NADSYN1: variants seen among roughly 807,000 people sequenced by gnomAD.
NADSYN1 encodes glutamine-dependent NAD(+) synthetase.
In NADSYN1, 80 loss-of-function variants were observed where a neutral mutation model predicts 99.3. The observed-to-expected ratio is 0.81, with a 90% CI of 0.67 to 0.97. The LOEUF (loss-of-function observed/expected upper bound fraction) is 0.97, where lower values mean the gene tolerates loss of function less well. Among genes scored for constraint, NADSYN1 ranks in the 50% least tolerant of loss-of-function variants. The probability of loss-of-function intolerance (pLI) is 0.00; values close to 1 mark genes in which losing one functional copy is unlikely to be tolerated. For synonymous variants in NADSYN1, 385 were observed against 372.1 expected, an observed-to-expected ratio of 1.03 and a Z score of -0.40; for missense variants, 859 against 948.5, an observed-to-expected ratio of 0.91 and a Z score of 1.24.
At chr11:71,492,641 G>A (rs140389358) in intron 18 of NADSYN1, among the ~76,000 whole-genome samples, 8 of 152,168 alleles carry the variant, frequency 5.3e-5, no homozygotes, top group Admixed American at 3.3e-4. Flanking sequence ...CCGGTCCCAC[G>A]CTGTCCTGAT....
chr11:71,469,730 C>T (rs888916882), intron 5 of NADSYN1, among the ~76,000 whole-genome samples: 6 of 152,108 alleles, frequency 3.9e-5, no homozygotes, highest in African/African-American at 1.4e-4. Flanking sequence ...CAACCTTCAG[C>T]ATGGGCGTCA....
At chr11:71,500,878 A>G (rs1204076673) in intron 20 of NADSYN1, among the ~76,000 whole-genome samples, 1 of 152,142 alleles carries the variant, frequency 6.6e-6, no homozygotes, top group African/African-American at 2.4e-5. Flanking sequence ...TGGAGTGGCC[A>G]AGCCTCGGGT....
At chr11:71,479,631 A>G (rs1016187009) in intron 10 of NADSYN1, 2 of 152,006 alleles carry the variant, frequency 1.3e-5, no homozygotes, top group African/African-American at 4.8e-5. Context: ...TCGACGTTTC[A>G]TTGGGATGAA....
intron 16 of NADSYN1, among the ~76,000 whole-genome samples, chr11:71,489,667 C>T (rs1949766756): frequency 6.6e-6 from 1 of 152,232 alleles, no homozygotes; most frequent in Non-Finnish European, 1.5e-5. Context: ...TGGGGTAGCC[C>T]TCACTGAAGG....
intron 5 of NADSYN1, among the ~76,000 whole-genome samples, chr11:71,464,882 A>G (rs1949577344): frequency 6.6e-6 from 1 of 150,544 alleles, no homozygotes; most frequent in South Asian, 2.1e-4. Flanking sequence ...AAAAAAAAAA[A>G]AAAAAAAAAA....
In NADSYN1 at chr11:71,482,111, A is replaced by C. The variant is rs921319667; in HGVS notation, c.1150+86A>C. 2.0e-5 allele frequency: 24 copies of C among 1,215,530 alleles called. No homozygotes were observed. The African/African-American group carries it at 3.3e-4, about 17-fold the overall frequency. The allele number at this position is 1,215,530 out of a possible 1,614,324, so 75.3% of individuals were successfully genotyped here. On this transcript the variant is annotated intron_variant, in intron 13 of 20. Transcript: ENST00000319023. The stretch of plus-strand genomic sequence containing the variant: ...TAGGGACCTAGGAGGGGGCAGAGGA[A>C]ACACCCGTGCCATGGACATCGGGGT...
chr11:71,457,960 G>A (rs980903874), intron 2 of NADSYN1, among the ~76,000 whole-genome samples: 14 of 152,120 alleles, frequency 9.2e-5, no homozygotes, highest in Non-Finnish European at 1.8e-4. Flanking sequence ...GACCTTTTTG[G>A]GGTTCATCAT....
At chr11:71,484,269 C>T (rs1197020440) in intron 14 of NADSYN1, 43 bp from the exon 15 acceptor site, 1 of 1,602,392 alleles carries the variant, frequency 6.2e-7, no homozygotes, top group South Asian at 1.1e-5. Flanking sequence ...CACATGCACA[C>T]ACGTGCACAT....
chr11:71,478,960 C>G (rs1949687339), intron 10 of NADSYN1: 1 of 164,586 alleles, frequency 6.1e-6, no homozygotes, highest in African/African-American at 2.4e-5. Context: ...TGCTGGTAAC[C>G]TGGAGCTCTG....
In NADSYN1 at chr11:71,453,273, C is replaced by T. The variant is rs368853533; in HGVS notation, c.-24C>T. 7.5e-6 allele frequency: 12 copies of T among 1,610,382 alleles called. No homozygotes were observed. The African/African-American group carries it at 1.3e-4, about 18-fold the overall frequency. On this transcript the variant is annotated 5_prime_UTR_variant, in exon 1 of 21. Transcript: ENST00000319023. ...TGGTCTTGCTGTCCCCCGCTGGCCT[C>T]CTGCCCAAGCGACTGCGGCCAGGAT...
chr11:71,480,578 C>T (rs1337798675), intron 10 of NADSYN1, among the ~76,000 whole-genome samples, 177 bp from the exon 11 acceptor site: 1 of 152,228 alleles, frequency 6.6e-6, no homozygotes, highest in African/African-American at 2.4e-5. Context: ...CCCTCACCAG[C>T]ACCTGTTGCC....
At chr11:71,472,680 A>T in intron 6 of NADSYN1, among the ~76,000 whole-genome samples, 180 bp downstream of exon 6, 1 of 152,206 alleles carries the variant, frequency 6.6e-6, no homozygotes, top group East Asian at 1.9e-4. Context: ...GTGGCCAGAC[A>T]GCAGCCAGGG....
rs747364078 is a variant in NADSYN1, at chr11:71,485,631, C to T, written c.1545C>T (p.Ser515=). ...ACGGTGGGCTCCTCGTGCTGGGATC[C>T]GCCAACGTGGATGAGAGGTGAGTGT... ...GVHGGLLVLG[S]ANVDESLLGY... is the part of the protein sequence containing the mutation. The change falls in exon 16 of 21, where the codon TCC becomes TCT. Residue 515 remains serine (S), a synonymous_variant. Transcript: ENST00000319023. 31 of 1,555,094 alleles carry T rather than the reference C, an allele frequency of 2.0e-5. No homozygotes were observed. The highest frequency in any genetic ancestry group is 9.8e-5 in the Admixed American group (5 of 51,218).
intron 9 of NADSYN1, 200 bp downstream of exon 9, chr11:71,474,726 T>G: frequency 1.7e-6 from 1 of 575,280 alleles, no homozygotes; most frequent in Non-Finnish European, 3.1e-6. Flanking sequence ...TCCCGCCTGC[T>G]CCTGGCTCTC....
chr11:71,491,299 G>A (rs1409997318), intron 17 of NADSYN1, among the ~76,000 whole-genome samples: 1 of 152,284 alleles, frequency 6.6e-6, no homozygotes, highest in Non-Finnish European at 1.5e-5. Flanking sequence ...TGCTTTAGCA[G>A]TGACTGCAGA....
At chr11:71,484,906 C>T in intron 15 of NADSYN1, 1 of 195,530 alleles carries the variant, frequency 5.1e-6, no homozygotes, top group South Asian at 1.1e-4. Context: ...TGTGAGTGTG[C>T]ACAAACGTGA....
At chr11:71,462,903 C>G (rs1949559538) in intron 3 of NADSYN1, among the ~76,000 whole-genome samples, 1 of 152,216 alleles carries the variant, frequency 6.6e-6, no homozygotes, top group Non-Finnish European at 1.5e-5. Context: ...AGGCCGCCCT[C>G]TCCTGCTATG....
intron 10 of NADSYN1, chr11:71,478,782 G>A (rs1949686295): frequency 3.1e-6 from 1 of 322,288 alleles, no homozygotes; most frequent in Non-Finnish European, 6.1e-6. Flanking sequence ...TTGGAGCCCA[G>A]GAAGGCCTCA....
At chr11:71,462,001 C>G (rs1443349751) in intron 3 of NADSYN1, among the ~76,000 whole-genome samples, 1 of 152,230 alleles carries the variant, frequency 6.6e-6, no homozygotes, top group East Asian at 1.9e-4. Flanking sequence ...GCATCTTGCC[C>G]TTTCATCCCC....
Sources: allele counts gnomAD v4.1 joint callset (sites outside exome capture counted in the v4.1 genomes callset), GRCh38; gene constraint gnomAD v4.1.1; transcripts MANE v1.5; gene names NCBI Gene and HGNC (gene_info 2026-07-23, HGNC 2026-07-21).